Variants in CHRM3 observed in about 807,000 individuals in gnomAD.
The protein encoded by CHRM3 is cholinergic receptor muscarinic 3.
CHRM3 carries 11 observed loss-of-function variants against 41.8 expected under a neutral mutation model. That is an observed-to-expected ratio of 0.26 (90% CI 0.17 to 0.44). The LOEUF (loss-of-function observed/expected upper bound fraction) is 0.44, where lower values mean the gene tolerates loss of function less well. Ranked by LOEUF, CHRM3 falls within the 20% of genes least tolerant of loss-of-function variation. The pLI, the probability that CHRM3 is intolerant of heterozygous loss-of-function variation, is 1.00. For missense variants in CHRM3, 571 were observed against 745.4 expected (o/e 0.77, Z 2.72); for synonymous variants, 297 against 301.4 (o/e 0.99, Z 0.15).
intron 5 of CHRM3, among the ~76,000 whole-genome samples, chr1:239,728,313 G>A (rs1003530166): frequency 6.6e-6 from 1 of 151,916 alleles, no homozygotes; most frequent in African/African-American, 2.4e-5. Context: ...GAGACCTTAG[G>A]AGTTCGGGCA....
intron 1 of CHRM3, among the ~76,000 whole-genome samples, chr1:239,470,369 G>T (rs1419415117): frequency 6.6e-6 from 1 of 152,164 alleles, no homozygotes; most frequent in African/African-American, 2.4e-5. Context: ...TGCTGGGAAA[G>T]GATACATTTC....
chr1:239,596,951 G>A (rs931804207), intron 3 of CHRM3, among the ~76,000 whole-genome samples: 2 of 152,060 alleles, frequency 1.3e-5, no homozygotes, highest in Non-Finnish European at 2.9e-5. Flanking sequence ...GCAGAAGAGA[G>A]GAAAGCAGAA....
intron 5 of CHRM3, among the ~76,000 whole-genome samples, chr1:239,782,985 G>GT (rs34673324): frequency 0.84 from 128,025 of 151,744 alleles, 54,172 homozygotes; most frequent in East Asian, 0.87. Flanking sequence ...TTGATTTCTA[G>GT]TTTTTTTAAT....
At chr1:239,412,283 C>G (rs1012425778) in intron 1 of CHRM3, among the ~76,000 whole-genome samples, 1 of 122,606 alleles carries the variant, frequency 8.2e-6, no homozygotes, top group African/African-American at 3.1e-5. Flanking sequence ...CTTCCTTCCT[C>G]TCTCACTTTC....
chr1:239,590,803 A>C (rs1664042957), intron 3 of CHRM3, among the ~76,000 whole-genome samples: 1 of 152,206 alleles, frequency 6.6e-6, no homozygotes, highest in African/African-American at 2.4e-5. Context: ...GAATAAACAT[A>C]AAACCCTATA....
chr1:239,808,458 G>A (rs994021366), intron 5 of CHRM3, among the ~76,000 whole-genome samples: 3 of 152,082 alleles, frequency 2.0e-5, no homozygotes, highest in Admixed American at 1.3e-4. Context: ...GCTTCATCCT[G>A]CCTTAATTAC....
chr1:239,639,198 G>C (rs1485780686), intron 4 of CHRM3, among the ~76,000 whole-genome samples: 1 of 152,156 alleles, frequency 6.6e-6, no homozygotes, highest in Non-Finnish European at 1.5e-5. Context: ...CAGGTAGTAT[G>C]ATGCCTCCAG....
chr1:239,821,189 C>T (rs1311932903), intron 5 of CHRM3, among the ~76,000 whole-genome samples: 2 of 152,196 alleles, frequency 1.3e-5, no homozygotes, highest in African/African-American at 2.4e-5. Flanking sequence ...GGCCTGTTAA[C>T]TCTATGGTGT....
At chr1:239,570,162 C>T (rs1661701222) in intron 3 of CHRM3, among the ~76,000 whole-genome samples, 1 of 151,950 alleles carries the variant, frequency 6.6e-6, no homozygotes, top group South Asian at 2.1e-4. Flanking sequence ...GGGGGCAGTT[C>T]CCCCATGCTG....
At chr1:239,414,599 A>C (rs536831815) in intron 1 of CHRM3, among the ~76,000 whole-genome samples, 1 of 152,376 alleles carries the variant, frequency 6.6e-6, no homozygotes, top group Non-Finnish European at 1.5e-5. Context: ...CACTTTGAAA[A>C]GCTAGTCTAG....
intron 6 of CHRM3, among the ~76,000 whole-genome samples, chr1:239,876,383 T>C (rs1677111944): frequency 6.6e-6 from 1 of 152,282 alleles, no homozygotes; most frequent in East Asian, 1.9e-4. Flanking sequence ...AAAGGGCGGA[T>C]TGGTGACATG....
intron 5 of CHRM3, among the ~76,000 whole-genome samples, chr1:239,745,735 A>G (rs1167220875): frequency 1.3e-5 from 2 of 152,306 alleles, no homozygotes; most frequent in East Asian, 3.9e-4. Context: ...TGTTAGCCAT[A>G]TCATATTATG....
intron 1 of CHRM3, among the ~76,000 whole-genome samples, chr1:239,469,833 A>G (rs544050383): frequency 2.0e-5 from 3 of 152,300 alleles, no homozygotes; most frequent in Non-Finnish European, 4.4e-5. Context: ...CTGGGATTAC[A>G]GGCATGAGCC....
rs746507317 is a variant in CHRM3, at chr1:239,915,131, C to T, written c.*5907C>T. On this transcript the variant is annotated 3_prime_UTR_variant, in exon 7 of 7. Transcript: ENST00000676153. Reference sequence around the variant, plus strand: ...AATGTCTGTGAATCATTTAAAGATGCTCTCTGGTGGATAGAGAAACCGCAG... The same window carrying T: ...AATGTCTGTGAATCATTTAAAGATGTTCTCTGGTGGATAGAGAAACCGCAG... 6.0e-6 allele frequency: 1 copy of T among 167,100 alleles called. No individual in the cohort carries two copies. Among genetic ancestry groups the T allele is most frequent in the Non-Finnish European group, 1.5e-5 (1 of 68,118 alleles). 10.4% of individuals were successfully genotyped at this position (167,100 alleles called of 1,614,324 possible).
intron 5 of CHRM3, among the ~76,000 whole-genome samples, chr1:239,759,945 C>A (rs1036730888): frequency 6.6e-6 from 1 of 151,946 alleles, no homozygotes; most frequent in African/African-American, 2.4e-5. Flanking sequence ...GATGGAGTCT[C>A]GCTCCATCGC....
chr1:239,391,028 C>T (rs1246054770), intron 1 of CHRM3, among the ~76,000 whole-genome samples: 1 of 152,046 alleles, frequency 6.6e-6, no homozygotes, highest in Non-Finnish European at 1.5e-5. Context: ...TTCCTAGCTA[C>T]TAAGGAAGAT....
chr1:239,645,145 G>A (rs1454715885), intron 4 of CHRM3, among the ~76,000 whole-genome samples: 1 of 152,184 alleles, frequency 6.6e-6, no homozygotes, highest in Non-Finnish European at 1.5e-5. Flanking sequence ...AGCAGCAGGA[G>A]CCAAGTGTCC....
At chr1:239,436,671 C>CT (rs1421835970) in intron 1 of CHRM3, among the ~76,000 whole-genome samples, 1 of 152,058 alleles carries the variant, frequency 6.6e-6, no homozygotes, top group Non-Finnish European at 1.5e-5. Context: ...TGCTCAGTTA[C>CT]TTTTTCTGTA....
intron 2 of CHRM3, among the ~76,000 whole-genome samples, chr1:239,497,912 G>A (rs1667987723): frequency 6.6e-6 from 1 of 152,164 alleles, no homozygotes; most frequent in Non-Finnish European, 1.5e-5. Context: ...ATGAACCAGG[G>A]CACCTGGGCA....
Sources: allele counts gnomAD v4.1 joint callset (sites outside exome capture counted in the v4.1 genomes callset), GRCh38; gene constraint gnomAD v4.1.1; transcripts MANE v1.5; gene names NCBI Gene and HGNC (gene_info 2026-07-23, HGNC 2026-07-21).